CHEK1: variants seen among roughly 807,000 people sequenced by gnomAD.
The protein encoded by CHEK1 is checkpoint kinase 1, also known as serine/threonine-protein kinase Chk1.
CHEK1 carries 32 observed loss-of-function variants against 60.2 expected under a neutral mutation model. The ratio of observed to expected loss-of-function variants is 0.53; its 90% CI spans 0.40 to 0.71. The LOEUF (loss-of-function observed/expected upper bound fraction) is 0.71. Among genes scored for constraint, CHEK1 ranks in the 30% least tolerant of loss-of-function variants. The pLI, the probability that CHEK1 is intolerant of heterozygous loss-of-function variation, is 0.00. For synonymous variants in CHEK1, 179 were observed against 187.2 expected, an observed-to-expected ratio of 0.96 and a Z score of 0.36; for missense variants, 399 against 564.6, an observed-to-expected ratio of 0.71 and a Z score of 2.97.
rs752963024 is a variant in CHEK1 at position 125,633,327 on chromosome 11, GTACT to G, written c.594_597del (p.Thr199GlnfsTer40). 6.3e-7 allele frequency: 1 copy of G among 1,578,192 alleles called. No homozygotes were observed. Among genetic ancestry groups the G allele is most frequent in the Non-Finnish European group, 8.6e-7 (1 of 1,168,566 alleles). On this transcript the variant is annotated frameshift_variant, in exon 6 of 13. Coordinates refer to ENST00000438015, the MANE Select transcript of CHEK1 (RefSeq NM_001114122.3). LOFTEE classifies it high-confidence loss of function. ...AGTTGATGTTTGGTCCTGTGGAATA[GTACT>G]TACTGCAATGCTCGCTGGAGGTAAG... is the stretch of plus-strand genomic sequence containing the variant.
intron 7 of CHEK1, among the ~76,000 whole-genome samples, chr11:125,636,892 A>C (rs1328477916): frequency 1.3e-5 from 2 of 152,070 alleles, no homozygotes; most frequent in African/African-American, 4.8e-5. Context: ...CTACTATTTA[A>C]AAGTTCCCTA....
At chr11:125,637,974 A>C (rs1196041402) in intron 8 of CHEK1, among the ~76,000 whole-genome samples, 2 of 152,266 alleles carry the variant, frequency 1.3e-5, no homozygotes, top group South Asian at 2.1e-4. Flanking sequence ...TCATTGTATC[A>C]TCAGTGCTTT....
intron 8 of CHEK1, among the ~76,000 whole-genome samples, chr11:125,640,208 A>G (rs536724581): frequency 1.3e-5 from 2 of 152,352 alleles, no homozygotes; most frequent in Admixed American, 1.3e-4. Flanking sequence ...GAGGTCTGAA[A>G]AGATTAAATG....
chr11:125,674,398 G>A (rs879090630), intron 13 of CHEK1, among the ~76,000 whole-genome samples: 9 of 152,288 alleles, frequency 5.9e-5, no homozygotes, highest in East Asian at 3.9e-4. Flanking sequence ...TTAGCATTTC[G>A]ATTAGAAAGG....
chr11:125,626,114 A>G, intron 1 of CHEK1, 102 bp downstream of exon 1: 1 of 641,520 alleles, frequency 1.6e-6, no homozygotes, highest in Non-Finnish European at 2.9e-6. Flanking sequence ...AGCATTGACT[A>G]GCGCAGGGGA....
chr11:125,650,830 CAG>C (rs36103357), intron 11 of CHEK1, among the ~76,000 whole-genome samples: 48,290 of 151,966 alleles, frequency 0.32, 7,915 homozygotes, highest in East Asian at 0.42. Flanking sequence ...AATGATTGGA[CAG>C]AGATTTCCTT....
In CHEK1 at chr11:125,664,604, C is replaced by G. The variant is rs140123773; in HGVS notation, c.*27+9257C>G. 3.1e-3 allele frequency among the ~76,000 whole-genome samples: 479 copies of G among 152,132 alleles called. 1 individual carries two copies. Among genetic ancestry groups the G allele is most frequent in the East Asian group, 0.02 (102 of 5,168 alleles). Reference sequence around the variant, plus strand: ...GAAATGTCTGTTCAGTTCTTTTGCCCATTTTAAAATCAGATTTCTTTTGTT... The same window carrying G: ...GAAATGTCTGTTCAGTTCTTTTGCCGATTTTAAAATCAGATTTCTTTTGTT... On this transcript the variant is annotated intron_variant, in intron 13 of 13. Transcript: ENST00000428830.
intron 11 of CHEK1, among the ~76,000 whole-genome samples, chr11:125,648,005 C>CT (rs953430756): frequency 4.6e-5 from 7 of 151,590 alleles, no homozygotes; most frequent in East Asian, 1.9e-4. Flanking sequence ...AACATGGGGC[C>CT]TTTTTTTTCC....
rs148040708 is a variant in CHEK1, at chr11:125,627,742, A to G, written c.201A>G (p.Val67=). 14 of 1,613,594 alleles carry G rather than the reference A, an allele frequency of 8.7e-6. No individual in the cohort carries two copies. The highest frequency in any genetic ancestry group is 1.2e-5 in the Non-Finnish European group (14 of 1,179,860). The part of the protein sequence containing the change: ...CINKMLNHEN[V]VKFYGHRREG... The stretch of plus-strand genomic sequence containing the variant: ...ATAAAATGCTAAATCATGAAAATGT[A>G]GTAAAATTCTATGGTCACAGGAGAG... Residue 67 remains valine, a synonymous_variant, in exon 3 of 13, where the codon GTA becomes GTG. Coordinates refer to ENST00000438015, the MANE Select transcript of CHEK1 (RefSeq NM_001114122.3).
At chr11:125,670,920 G>C (rs929455974) in intron 13 of CHEK1, among the ~76,000 whole-genome samples, 1 of 151,968 alleles carries the variant, frequency 6.6e-6, no homozygotes, top group Non-Finnish European at 1.5e-5. Flanking sequence ...CACTATAAAT[G>C]GAAGCCAGAA....
chr11:125,652,137 T>C (rs1565380919), intron 11 of CHEK1, among the ~76,000 whole-genome samples: 1 of 152,208 alleles, frequency 6.6e-6, no homozygotes, highest in Admixed American at 6.5e-5. Flanking sequence ...CTTTTGTAAT[T>C]TGGGCTGTGT....
chr11:125,667,622 C>T (rs1478471981), intron 13 of CHEK1, among the ~76,000 whole-genome samples: 1 of 151,902 alleles, frequency 6.6e-6, no homozygotes, highest in African/African-American at 2.4e-5. Context: ...ACTTCCAGTA[C>T]TAAGTTTTTT....
At position 125,663,623 on chromosome 11, in the gene CHEK1, A is replaced by C. The variant is rs1591428342; in HGVS notation, c.*27+8276A>C. Reference sequence around the variant, plus strand: ...CTTCCTTTCCATAGATTGTCTCTTTACTCTGTTGATAGTTTCTTTTGCCAT... The same window carrying C: ...CTTCCTTTCCATAGATTGTCTCTTTCCTCTGTTGATAGTTTCTTTTGCCAT... On this transcript the variant is annotated intron_variant, in intron 13 of 13. Transcript: ENST00000428830. Among the ~76,000 whole-genome samples the C allele has an allele frequency of 2.0e-5, 3 of 151,884 alleles. No individual in the cohort carries two copies. The South Asian group carries it at 6.2e-4, about 32-fold the overall frequency.
At chr11:125,672,874 C>G (rs557249228) in intron 13 of CHEK1, among the ~76,000 whole-genome samples, 1 of 152,226 alleles carries the variant, frequency 6.6e-6, no homozygotes, top group African/African-American at 2.4e-5. Flanking sequence ...TGGGAACTTG[C>G]CCCCCATCAG....
In CHEK1 at chr11:125,625,555, G is replaced by A. The variant is rs1057086640; in HGVS notation, c.-478G>A. On this transcript the variant is annotated 5_prime_UTR_variant, in exon 1 of 13. Coordinates refer to ENST00000438015, the MANE Select transcript of CHEK1 (RefSeq NM_001114122.3). The stretch of plus-strand genomic sequence containing the variant: ...TGTGATCCTCACAGTCCTGTCCGGT[G>A]GCCTCACGCAGGTGGCGGTGCAGCC... 1 of 587,244 alleles carries A rather than the reference G, an allele frequency of 1.7e-6. No individual in the cohort carries two copies. The highest frequency in any genetic ancestry group is 1.9e-5 in the African/African-American group (1 of 53,658). The allele number at this position is 587,244 out of a possible 1,614,324, so 36.4% of individuals were successfully genotyped here. A position where few individuals can be genotyped will look rare whatever the true frequency, so the allele number is the denominator to read the frequency against.
At chr11:125,672,897 T>G (rs577525704) in intron 13 of CHEK1, among the ~76,000 whole-genome samples, 79 of 152,240 alleles carry the variant, frequency 5.2e-4, no homozygotes, top group Admixed American at 2.9e-3. Flanking sequence ...GCCCACTCCT[T>G]TCTTATATTG....
chr11:125,637,569 G>A (rs1418320321), intron 8 of CHEK1, 25 bp downstream of exon 8: 2 of 1,541,848 alleles, frequency 1.3e-6, no homozygotes, highest in African/African-American at 2.8e-5. Context: ...CTACAAGTTT[G>A]TTTGTTTTTC....
Position 125,626,796 on chromosome 11 carries a change from G to C in CHEK1, c.28G>C (p.Asp10His), listed in dbSNP as rs1940632387. Residue 10 changes from aspartate to histidine, a missense_variant, in exon 2 of 13, where the codon GAC becomes CAC. Physicochemically the swap from Asp to His is moderately conservative, Grantham distance 81. Transcript: ENST00000438015. Reference sequence around the variant, plus strand: ...GGCAGTGCCCTTTGTGGAAGACTGGGACTTGGTGCAAACCCTGGGAGAAGG... The same window carrying C: ...GGCAGTGCCCTTTGTGGAAGACTGGCACTTGGTGCAAACCCTGGGAGAAGG... MAVPFVEDWDLVQTLGEGAY... is the reference protein window; with the variant it reads MAVPFVEDWHLVQTLGEGAY... 6.2e-7 allele frequency: 1 copy of C among 1,614,040 alleles called. No homozygotes were observed.
At chr11:125,665,754 A>G (rs1380822757) in intron 13 of CHEK1, among the ~76,000 whole-genome samples, 1 of 150,028 alleles carries the variant, frequency 6.7e-6, no homozygotes, top group Non-Finnish European at 1.5e-5. Flanking sequence ...AGCTTTTCCA[A>G]TTTTTTGGCA....
Sources: gnomAD v4.1 joint callset for allele counts (sites outside exome capture counted in the v4.1 genomes callset) on GRCh38, gnomAD v4.1.1 for gene constraint, MANE v1.5 for transcripts, NCBI Gene and HGNC (gene_info 2026-07-23, HGNC 2026-07-21) for gene names.